Variants in FIG4 observed in about 807,000 individuals in gnomAD.
FIG4 encodes the protein FIG4 phosphoinositide 5-phosphatase.
In FIG4, 112 loss-of-function variants were observed where a neutral mutation model predicts 118.6. The observed-to-expected ratio is 0.94, with a 90% CI of 0.81 to 1.11. FIG4 has a LOEUF of 1.11. Among genes scored for constraint, FIG4 ranks in the 50% least tolerant of loss-of-function variants. The pLI is 0.00. For synonymous variants in FIG4, 369 were observed against 381.2 expected (o/e 0.97, Z 0.37); for missense variants, 969 against 1,111.7 (o/e 0.87, Z 1.83).
rs1042444759 is a variant in FIG4, at chr6:109,795,118, T to G, written c.2460-1647T>G. Reference sequence around the variant, plus strand: ...CAGTTTTTTTTTTTTTTTTTTTTTTTTTTTTTTTTTTTTTTTTGAGACGGA... The same window carrying G: ...CAGTTTTTTTTTTTTTTTTTTTTTTGTTTTTTTTTTTTTTTTTGAGACGGA... On this transcript the variant is annotated intron_variant, in intron 21 of 22. Transcript: ENST00000230124. Among the ~76,000 whole-genome samples the G allele has an allele frequency of 5.0e-3, 589 of 117,596 alleles. 16 individuals are homozygous for G. Among genetic ancestry groups the G allele is most frequent in the African/African-American group, 0.017 (531 of 31,464 alleles). 77.1% of individuals were successfully genotyped at this position (117,596 alleles called of 152,430 possible).
chr6:109,808,848 T>C (rs1303274234), intron 22 of FIG4, among the ~76,000 whole-genome samples: 6 of 152,210 alleles, frequency 3.9e-5, no homozygotes, highest in Non-Finnish European at 7.3e-5. Context: ...TTAAGATTGT[T>C]TTATGAGATC....
At chr6:109,763,053 G>A (rs981092913) in intron 12 of FIG4, among the ~76,000 whole-genome samples, 1 of 152,244 alleles carries the variant, frequency 6.6e-6, no homozygotes, top group Non-Finnish European at 1.5e-5. Context: ...TGTGAAGCAT[G>A]GGTGAAATGT....
intron 15 of FIG4, among the ~76,000 whole-genome samples, chr6:109,768,807 A>G (rs1190450146): frequency 1.3e-5 from 2 of 152,158 alleles, no homozygotes; most frequent in African/African-American, 2.4e-5. Context: ...GGAAATCCAC[A>G]TCCATTTCCT....
chr6:109,783,860 T>A (rs535607823), intron 16 of FIG4, among the ~76,000 whole-genome samples: 1 of 152,304 alleles, frequency 6.6e-6, no homozygotes, highest in African/African-American at 2.4e-5. Context: ...AAAGCATAAC[T>A]TCAGTCTAAA....
chr6:109,740,940 C>A (rs909303137), intron 7 of FIG4, among the ~76,000 whole-genome samples: 1 of 151,992 alleles, frequency 6.6e-6, no homozygotes, highest in East Asian at 1.9e-4. Context: ...GAAGAGAGAG[C>A]GAGCAAAGGG....
intron 2 of FIG4, 43 bp from the exon 3 acceptor site, chr6:109,716,402 A>C (rs768399180): frequency 5.0e-6 from 8 of 1,607,374 alleles, no homozygotes; most frequent in Non-Finnish European, 6.8e-6. Context: ...AAATAATCTA[A>C]AGTTTAAGCA....
At chr6:109,822,691 C>T (rs1158331545) in intron 22 of FIG4, among the ~76,000 whole-genome samples, 2 of 150,698 alleles carry the variant, frequency 1.3e-5, no homozygotes, top group African/African-American at 4.9e-5. Flanking sequence ...AATATCTGCA[C>T]AATAGAATGA....
chr6:109,743,558 A>T (rs1180515405), intron 9 of FIG4, 117 bp from the exon 10 acceptor site: 9 of 780,286 alleles, frequency 1.2e-5, no homozygotes, highest in Non-Finnish European at 2.0e-5. Flanking sequence ...GGATTTGGGA[A>T]GTGAAACTAT....
In FIG4 at chr6:109,822,783, GTATGTATATATATATATATATATA is replaced by G. The variant is rs1197356627; in HGVS notation, c.2547-2301_2547-2278del. Among the ~76,000 whole-genome samples the G allele has an allele frequency of 2.5e-5, 3 of 120,682 alleles. 1 individual carries two copies. The highest frequency in any genetic ancestry group is 1.1e-4 in the African/African-American group (3 of 28,288). The allele number at this position is 120,682 out of a possible 152,430, so 79.2% of individuals were successfully genotyped here. ...GAAGTGTATATATATGTGTGTGTGT[GTATGTATATATATATATATATATA>G]TATATATATATATATATATATCGCT... On this transcript the variant is annotated intron_variant, in intron 22 of 22. Coordinates refer to ENST00000230124, the MANE Select transcript of FIG4 (RefSeq NM_014845.6).
At chr6:109,789,530 T>C in intron 18 of FIG4, 64 bp from the exon 19 acceptor site, 1 of 1,163,586 alleles carries the variant, frequency 8.6e-7, no homozygotes, top group East Asian at 2.3e-5. Context: ...TGAACTGAGA[T>C]GGAAGCCAAT....
intron 7 of FIG4, among the ~76,000 whole-genome samples, chr6:109,739,176 A>G (rs1041765766): frequency 3.9e-5 from 6 of 152,182 alleles, no homozygotes; most frequent in Admixed American, 3.3e-4. Context: ...AGTCCAGGCA[A>G]GAGGGCAAAA....
intron 6 of FIG4, among the ~76,000 whole-genome samples, 196 bp downstream of exon 6, chr6:109,735,494 G>A (rs1216866283): frequency 6.6e-6 from 1 of 151,942 alleles, no homozygotes; most frequent in African/African-American, 2.4e-5. Flanking sequence ...TCATTTGTAG[G>A]CCAACCACAA....
At chr6:109,721,477 C>A (rs1458681410) in intron 3 of FIG4, among the ~76,000 whole-genome samples, 1 of 152,130 alleles carries the variant, frequency 6.6e-6, no homozygotes, top group Non-Finnish European at 1.5e-5. Context: ...GCATACTACT[C>A]CATTCTCTCA....
chr6:109,766,631 G>A (rs1777287375), intron 14 of FIG4, 98 bp from the exon 15 acceptor site: 3 of 1,000,970 alleles, frequency 3.0e-6, no homozygotes, highest in Non-Finnish European at 4.7e-6. Context: ...AGGCTCAGAA[G>A]AATTTTTAAA....
chr6:109,796,448 A>G (rs998737963), intron 21 of FIG4, among the ~76,000 whole-genome samples: 19 of 152,218 alleles, frequency 1.2e-4, no homozygotes, highest in African/African-American at 4.6e-4. Context: ...CTGCAAGATC[A>G]TCTTCCTGGC....
At chr6:109,692,631 A>G (rs1009959148) in intron 1 of FIG4, among the ~76,000 whole-genome samples, 2 of 152,180 alleles carry the variant, frequency 1.3e-5, no homozygotes, top group African/African-American at 2.4e-5. Flanking sequence ...ATCATTTGTC[A>G]TTGAAATGAA....
chr6:109,732,215 A>T (rs754283345), intron 4 of FIG4, among the ~76,000 whole-genome samples: 1 of 152,232 alleles, frequency 6.6e-6, no homozygotes, highest in Non-Finnish European at 1.5e-5. Context: ...ATTTTATTCT[A>T]TACCTTTTTT....
chr6:109,718,614 C>G (rs1775508484), intron 3 of FIG4, among the ~76,000 whole-genome samples: 1 of 152,066 alleles, frequency 6.6e-6, no homozygotes, highest in Non-Finnish European at 1.5e-5. Flanking sequence ...AGTAGTATAA[C>G]ATGACTGGTT....
At chr6:109,713,249 A>C (rs1775324423) in intron 1 of FIG4, among the ~76,000 whole-genome samples, 1 of 152,212 alleles carries the variant, frequency 6.6e-6, no homozygotes, top group African/African-American at 2.4e-5. Context: ...CTGCAGCAGG[A>C]TGCCAGCAGG....
Sources: gnomAD v4.1 joint callset for allele counts (sites outside exome capture counted in the v4.1 genomes callset) on GRCh38, gnomAD v4.1.1 for gene constraint, MANE v1.5 for transcripts, NCBI Gene and HGNC (gene_info 2026-07-23, HGNC 2026-07-21) for gene names.